The following COPG2 variants were observed in gnomAD, a reference collection of about 807,000 sequenced individuals.
COPG2 encodes the protein coat protein complex I subunit gamma 2, also known as coatomer subunit gamma-2.
Under a neutral mutation model 46.3 loss-of-function variants are expected in COPG2, and 37 were observed. That is an observed-to-expected ratio of 0.80 (90% confidence interval 0.61 to 1.05). The LOEUF (loss-of-function observed/expected upper bound fraction) is 1.05, where lower values mean the gene tolerates loss of function less well. Ranked by LOEUF, COPG2 falls within the 50% of genes least tolerant of loss-of-function variation. The pLI is 0.00. For missense variants in COPG2, 427 were observed against 387.8 expected, an observed-to-expected ratio of 1.10 and a Z score of -0.85; for synonymous variants, 159 against 129.7, an observed-to-expected ratio of 1.23 and a Z score of -1.53.
chr7:130,612,592 A>G (rs1240868650), intron 7 of COPG2, among the ~76,000 whole-genome samples: 2 of 152,174 alleles, frequency 1.3e-5, no homozygotes, highest in African/African-American at 2.4e-5. Context: ...GAGTACTAGT[A>G]TATTCTCTGC....
chr7:130,515,744 GA>G (rs2116341182), intron 20 of COPG2, among the ~76,000 whole-genome samples: 2 of 152,222 alleles, frequency 1.3e-5, no homozygotes, highest in South Asian at 4.2e-4. Context: ...GTACAAAAGG[GA>G]AGGGATAAAT....
intron 9 of COPG2, among the ~76,000 whole-genome samples, chr7:130,600,439 T>C (rs1794614627): frequency 6.6e-6 from 1 of 152,072 alleles, no homozygotes; most frequent in South Asian, 2.1e-4. Flanking sequence ...TTTTTTGTAT[T>C]TTTAGTAGAG....
intron 5 of COPG2, among the ~76,000 whole-genome samples, chr7:130,618,047 G>C (rs936335776): frequency 7.2e-6 from 1 of 138,732 alleles, no homozygotes; most frequent in Non-Finnish European, 1.5e-5. Context: ...GTTGCAGTGA[G>C]CTGAGATGGC....
chr7:130,630,641 C>A (rs1342609965), intron 5 of COPG2, among the ~76,000 whole-genome samples: 1 of 152,142 alleles, frequency 6.6e-6, no homozygotes, highest in African/African-American at 2.4e-5. Flanking sequence ...TTGTTTCAAG[C>A]ACTGTGAAAC....
Position 130,558,870 on chromosome 7 carries a change from A to G in COPG2, c.1128+2163T>C, listed in dbSNP as rs929092509. Among the ~76,000 whole-genome samples, 603 of 152,298 alleles carry G rather than the reference A, an allele frequency of 4.0e-3. 6 individuals carry two copies. The highest frequency in any genetic ancestry group is 0.014 in the African/African-American group (572 of 41,542). On this transcript the variant is annotated intron_variant, in intron 12 of 23. Coordinates refer to ENST00000425248, the MANE Select transcript of COPG2 (RefSeq NM_012133.6). The stretch of plus-strand genomic sequence containing the variant: ...CTAACTGTGTAGTCAATGGAAAAGG[A>G]TAAGATTGAATCTGTTTATAGCATA...
At chr7:130,593,853 T>C (rs1794477633) in intron 9 of COPG2, among the ~76,000 whole-genome samples, 1 of 152,094 alleles carries the variant, frequency 6.6e-6, no homozygotes, top group South Asian at 2.1e-4. Context: ...GTACAGAGGA[T>C]ATATTTGTGA....
In COPG2 at chr7:130,506,485, GA is replaced by G. The variant is rs61354155; in HGVS notation, c.*190del. 140,761 of 326,094 alleles carry G rather than the reference GA, an allele frequency of 0.43. 16,818 individuals are homozygous for G. Among genetic ancestry groups the G allele is most frequent in the Admixed American group, 0.51 (9,917 of 19,520 alleles). 20.2% of individuals were successfully genotyped at this position (326,094 alleles called of 1,614,324 possible). A position where few individuals can be genotyped will look rare whatever the true frequency, so the allele number is the denominator to read the frequency against. ...CAAAGCTGACCAAGTAGAATAAAAAGAAAAAAAAAAAAAAACAACCCATGCG... is the reference window on the plus strand; with the variant it reads ...CAAAGCTGACCAAGTAGAATAAAAAGAAAAAAAAAAAAAACAACCCATGCG... On this transcript the variant is annotated 3_prime_UTR_variant, in exon 24 of 24. Transcript: ENST00000425248.
chr7:130,523,048 G>C (rs1056565175), intron 20 of COPG2, among the ~76,000 whole-genome samples: 1 of 145,288 alleles, frequency 6.9e-6, no homozygotes, highest in Admixed American at 7.1e-5. Flanking sequence ...GAAGTCCAGA[G>C]GTGAGGGTGC....
chr7:130,655,579 C>T (rs781815467), intron 4 of COPG2, among the ~76,000 whole-genome samples: 1 of 152,092 alleles, frequency 6.6e-6, no homozygotes, highest in African/African-American at 2.4e-5. Flanking sequence ...CTTCTCTCCC[C>T]GCCCCTCTTT....
chr7:130,663,359 C>T (rs1040917213), intron 3 of COPG2, among the ~76,000 whole-genome samples: 1 of 152,152 alleles, frequency 6.6e-6, no homozygotes, highest in Admixed American at 6.5e-5. Context: ...GAGAAAATTA[C>T]AGCACTCACA....
rs1410158464 is a variant in COPG2, at chr7:130,569,721, C to T, written c.738-5328G>A. On this transcript the variant is annotated intron_variant, in intron 9 of 23. Transcript: ENST00000425248. ...AAATCATTATAAGAAGCCAGTATAA[C>T]CCTAATACCAAAACCAGGAAACGAC... 5.3e-5 allele frequency among the ~76,000 whole-genome samples: 8 copies of T among 152,004 alleles called. No individual in the cohort carries two copies. In the East Asian group the frequency reaches 1.5e-3, roughly 29 times the overall value.
At chr7:130,623,413 A>G (rs1316777285) in intron 5 of COPG2, among the ~76,000 whole-genome samples, 5 of 152,216 alleles carry the variant, frequency 3.3e-5, no homozygotes, top group Non-Finnish European at 5.9e-5. Flanking sequence ...ATTTTATTCC[A>G]CGGTCTGTTA....
At chr7:130,548,860 G>A (rs1450900068) in intron 18 of COPG2, among the ~76,000 whole-genome samples, 1 of 151,964 alleles carries the variant, frequency 6.6e-6, no homozygotes, top group Non-Finnish European at 1.5e-5. Flanking sequence ...AGAGCTTGCA[G>A]CGAGCCGGTA....
rs1026993700 is a variant in COPG2 at position 130,535,276 on chromosome 7, T to C, written c.2149+12398A>G. 3.3e-5 allele frequency among the ~76,000 whole-genome samples: 5 copies of C among 151,848 alleles called. No homozygotes were observed. The East Asian group carries it at 5.8e-4, about 18-fold the overall frequency. On this transcript the variant is annotated intron_variant, in intron 20 of 23. Transcript: ENST00000425248. ...CAAGGGGAAAGGCTTCAAGAAAGAA[T>C]GTGGAAGTGGGACAATGAGGCAGCG...
intron 9 of COPG2, among the ~76,000 whole-genome samples, chr7:130,604,086 G>A (rs1554450853): frequency 1.3e-5 from 2 of 152,170 alleles, no homozygotes; most frequent in African/African-American, 4.8e-5. Context: ...CTTACATTGA[G>A]TAGGCTGGGG....
chr7:130,568,229 C>T (rs928322005), intron 9 of COPG2, among the ~76,000 whole-genome samples: 6 of 152,032 alleles, frequency 3.9e-5, no homozygotes, highest in Admixed American at 1.3e-4. Flanking sequence ...GAGCCAAGAT[C>T]GCGCCATTGC....
At chr7:130,555,742 A>G (rs1793611012) in intron 12 of COPG2, among the ~76,000 whole-genome samples, 1 of 152,184 alleles carries the variant, frequency 6.6e-6, no homozygotes, top group South Asian at 2.1e-4. Flanking sequence ...AGACATGAGA[A>G]TTGGTTGAAC....
intron 9 of COPG2, chr7:130,607,438 C>T (rs1794756787): frequency 4.5e-6 from 2 of 439,924 alleles, no homozygotes; most frequent in Non-Finnish European, 4.5e-6. Flanking sequence ...TTTTTACCAT[C>T]TATTAAACAT....
intron 5 of COPG2, among the ~76,000 whole-genome samples, chr7:130,628,058 C>T (rs1554454562): frequency 1.3e-5 from 2 of 152,104 alleles, no homozygotes; most frequent in Non-Finnish European, 2.9e-5. Context: ...TTTAGACAAT[C>T]CATTATTAAT....
Sources: allele counts gnomAD v4.1 joint callset (sites outside exome capture counted in the v4.1 genomes callset), GRCh38; gene constraint gnomAD v4.1.1; transcripts MANE v1.5; gene names NCBI Gene and HGNC (gene_info 2026-07-23, HGNC 2026-07-21).